The following TLE2 variants were observed in gnomAD, a reference collection of about 807,000 sequenced individuals.
TLE2 encodes TLE family member 2, transcriptional corepressor, also known as transducin-like enhancer protein 2.
In TLE2, 74 loss-of-function variants were observed where a neutral mutation model predicts 97.2. The observed-to-expected ratio is 0.76, with a 90% CI of 0.63 to 0.92. The LOEUF (loss-of-function observed/expected upper bound fraction) is 0.92, where lower values mean the gene tolerates loss of function less well. Ranked by LOEUF, TLE2 falls within the 40% of genes least tolerant of loss-of-function variation. The pLI, the probability that TLE2 is intolerant of heterozygous loss-of-function variation, is 0.00. For synonymous variants in TLE2, 499 were observed against 432.1 expected, an observed-to-expected ratio of 1.15 and a Z score of -1.92; for missense variants, 1,038 against 1,008.7, an observed-to-expected ratio of 1.03 and a Z score of -0.39.
At chr19:3,014,202 G>A (rs1444106032) in intron 10 of TLE2, among the ~76,000 whole-genome samples, 1 of 152,110 alleles carries the variant, frequency 6.6e-6, no homozygotes, top group Non-Finnish European at 1.5e-5. Context: ...TCACAGGTGT[G>A]AGCCACCACG....
intron 14 of TLE2, among the ~76,000 whole-genome samples, chr19:3,008,460 T>TTC (rs1271050030): frequency 6.6e-6 from 1 of 151,460 alleles, no homozygotes; most frequent in Admixed American, 6.6e-5. Flanking sequence ...TTTTTCTTTT[T>TTC]TTTTTTTTGA....
intron 5 of TLE2, among the ~76,000 whole-genome samples, chr19:3,023,451 A>G (rs2089885035): frequency 6.6e-6 from 1 of 152,200 alleles, no homozygotes; most frequent in South Asian, 2.1e-4. Flanking sequence ...CCAAGCTTCC[A>G]GAAATCTCAG....
chr19:3,033,556 C>G (rs2145223179), upstream of TLE2, among the ~76,000 whole-genome samples: 1 of 152,332 alleles, frequency 6.6e-6, no homozygotes, highest in Non-Finnish European at 1.5e-5. Flanking sequence ...GCTTCAGCCT[C>G]CCAAGTGCTA....
chr19:3,040,556 T>G (rs10408306), intron 1 of TLE2, among the ~76,000 whole-genome samples: 1 of 151,546 alleles, frequency 6.6e-6, no homozygotes, highest in Admixed American at 6.6e-5. Flanking sequence ...CCAGGCTGGT[T>G]TCGAACTCCT....
chr19:3,016,314 G>A (rs2089702176), intron 8 of TLE2, among the ~76,000 whole-genome samples: 1 of 145,792 alleles, frequency 6.9e-6, no homozygotes, highest in Non-Finnish European at 1.5e-5. Context: ...AGTGGCTCAC[G>A]CCTATAATCC....
In TLE2 at chr19:3,019,095, G is replaced by A. The variant is rs561714290; in HGVS notation, c.550+188C>T. Among the ~76,000 whole-genome samples the A allele has an allele frequency of 6.6e-5, 10 of 151,712 alleles. No individual in the cohort carries two copies. Among genetic ancestry groups the A allele is most frequent in the East Asian group, 5.9e-4 (3 of 5,118 alleles). ...TAAATTTTTGTAGAGACGGGGTCTC[G>A]CTCTGTTGCCCAGGCTGGTCATGAA... On this transcript the variant is annotated intron_variant, in intron 7 of 19. Transcript: ENST00000262953. This position sits in a 1 kb window ranked among gnomAD's most constrained non-coding sequence, Gnocchi z 5.1.
At chr19:3,040,353 T>TG (rs1454442319) in intron 1 of TLE2, among the ~76,000 whole-genome samples, 2 of 152,120 alleles carry the variant, frequency 1.3e-5, no homozygotes, top group East Asian at 3.9e-4. Flanking sequence ...TTTGTTTGTT[T>TG]TTTTTTTAAG....
chr19:3,019,368 A>T lies in TLE2; in HGVS notation c.465T>A (p.Ala155=). 1.3e-6 allele frequency: 2 copies of T among 1,557,980 alleles called. No individual in the cohort carries two copies. The highest frequency in any genetic ancestry group is 1.7e-6 in the Non-Finnish European group (2 of 1,159,164). The change falls in exon 7 of 20, where the codon GCT becomes GCA. Residue 155 remains alanine (A), a synonymous_variant. Transcript: ENST00000262953. The surrounding 1 kb of genome is among the most constrained non-coding windows in gnomAD (Gnocchi z 5.1). ...LVGGSATGLL[A]LSGALAAQAQ... is the part of the protein sequence containing the mutation. ...CCTGGGCAGCCAGGGCTCCAGACAGAGCAAGCAGCCCCGTAGCACTGCCGC... is the reference window on the plus strand; with the variant it reads ...CCTGGGCAGCCAGGGCTCCAGACAGTGCAAGCAGCCCCGTAGCACTGCCGC...
chr19:2,999,261 G>C (rs147611823), intron 19 of TLE2, among the ~76,000 whole-genome samples: 1 of 151,844 alleles, frequency 6.6e-6, no homozygotes, highest in South Asian at 2.1e-4. Context: ...CAGGCTGGGC[G>C]ACAGAGAAGG....
At chr19:3,035,612 G>T (rs1277186360) in intron 1 of TLE2, among the ~76,000 whole-genome samples, 1 of 152,056 alleles carries the variant, frequency 6.6e-6, no homozygotes, top group Non-Finnish European at 1.5e-5. Flanking sequence ...CAGCCTGGCC[G>T]CCCCAGCTAC....
chr19:3,013,666 T>C lies in TLE2; in HGVS notation c.873+3A>G. ...AGTTTCAAGGCCCTCCCCTCCTCCT[T>C]ACCAGGATGAGCTCCTTGGCTCTAG... On this transcript the variant is annotated splice_donor_region_variant and intron_variant, in intron 11 of 19. Transcript: ENST00000262953. 2 of 1,376,352 alleles carry C rather than the reference T, an allele frequency of 1.5e-6. No individual in the cohort carries two copies. Among genetic ancestry groups the C allele is most frequent in the Non-Finnish European group, 1.9e-6 (2 of 1,055,256 alleles). The allele number at this position is 1,376,352 out of a possible 1,614,324, so 85.3% of individuals were successfully genotyped here. A position where few individuals can be genotyped will look rare whatever the true frequency, so the allele number is the denominator to read the frequency against.
chr19:3,000,590 C>G, intron 19 of TLE2, 57 bp downstream of exon 19: 1 of 1,498,380 alleles, frequency 6.7e-7, no homozygotes, highest in East Asian at 2.5e-5. Context: ...TCTGTCTGAC[C>G]CTGGCATACC....
rs2089993850 is a variant in TLE2, at chr19:3,028,978, G to A, written c.-74C>T. 2.5e-6 allele frequency: 4 copies of A among 1,572,370 alleles called. No individual in the cohort carries two copies. Among genetic ancestry groups the A allele is most frequent in the Middle Eastern group, 2.4e-4 (1 of 4,236 alleles). On this transcript the variant is annotated 5_prime_UTR_variant, in exon 1 of 20. Transcript: ENST00000262953. ...GGAGGCGGCAAGAGTGGGGGAGGCT[G>A]AAGTGGGGTGGTGGGGAGGCTGCCC...
Position 3,005,858 on chromosome 19 carries a change from G to T in TLE2, c.1611C>A (p.Pro537=). The change falls in exon 16 of 20, where the codon CCC becomes CCA. Residue 537 remains proline, a synonymous_variant. Transcript: ENST00000262953. The part of the protein sequence containing the change: ...LSIWDLAAPT[P]RIKAELTSSA... ...AGGAAGTCAGCTCGGCCTTGATACG[G>T]GGGGTGGGCGCCGCCAGGTCCCAAA... The T allele has an allele frequency of 6.2e-7, 1 of 1,613,952 alleles. No homozygotes were observed. The highest frequency in any genetic ancestry group is 1.3e-5 in the African/African-American group (1 of 75,044).
Position 3,008,955 on chromosome 19 carries a change from T to G in TLE2, c.1174-10A>C, listed in dbSNP as rs367583948. The G allele has an allele frequency of 2.4e-3, 3,828 of 1,573,574 alleles. 7 individuals carry two copies. Among genetic ancestry groups the G allele is most frequent in the Non-Finnish European group, 3.1e-3 (3,550 of 1,159,422 alleles). ...GAGACTCAAATGCCATCTGTGAGAA[T>G]GCCAGGGGGGTGTCAGTGAGGCAGG... On this transcript the variant is annotated splice_polypyrimidine_tract_variant and intron_variant, in intron 13 of 19. Transcript: ENST00000262953.
intron 5 of TLE2, among the ~76,000 whole-genome samples, chr19:3,021,113 AAG>A (rs1491188452): frequency 0.014 from 895 of 65,346 alleles, 97 homozygotes; most frequent in African/African-American, 0.047. Flanking sequence ...AAAAAAAAAA[AAG>A]GGGGGGGGGT....
Position 3,005,436 on chromosome 19 carries a change from C to T in TLE2, c.1896+1G>A, listed in dbSNP as rs1383998010. 1.2e-6 allele frequency: 2 copies of T among 1,613,542 alleles called. No individual in the cohort carries two copies. The highest frequency in any genetic ancestry group is 1.7e-6 in the Non-Finnish European group (2 of 1,179,782). On this transcript the variant is annotated splice_donor_variant, in intron 17 of 19. Transcript: ENST00000262953. LOFTEE classifies it high-confidence loss of function. ...CCCCTCCTGCCAGAACCGAACAGCA[C>T]CTGGGAGCTGAAGTCATGCTGCTGC...
At chr19:3,038,786 T>C (rs2090079226) in intron 1 of TLE2, among the ~76,000 whole-genome samples, 1 of 152,152 alleles carries the variant, frequency 6.6e-6, no homozygotes, top group Non-Finnish European at 1.5e-5. Flanking sequence ...GGCTCATGCC[T>C]GTAATCCCAG....
At chr19:3,032,878 A>T (rs990000190), upstream of TLE2, among the ~76,000 whole-genome samples, 5 of 151,622 alleles carry the variant, frequency 3.3e-5, no homozygotes, top group East Asian at 1.9e-4. The surrounding 1 kb of genome is among the most constrained non-coding windows in gnomAD (Gnocchi z 4.1). Flanking sequence ...CCTTGAGCAT[A>T]CATGGTAGCC....
Sources: allele counts gnomAD v4.1 joint callset (sites outside exome capture counted in the v4.1 genomes callset), GRCh38; gene constraint gnomAD v4.1.1; non-coding constraint Gnocchi (gnomAD v3.1); transcripts MANE v1.5; gene names NCBI Gene and HGNC (gene_info 2026-07-23, HGNC 2026-07-21).